The following CSNK1G1 variants were observed in gnomAD, a reference collection of about 807,000 sequenced individuals.
CSNK1G1 encodes the protein casein kinase I isoform gamma-1.
In CSNK1G1, 22 loss-of-function variants were observed where a neutral mutation model predicts 59.6. The ratio of observed to expected loss-of-function variants is 0.37; its 90% CI spans 0.26 to 0.53. The LOEUF (loss-of-function observed/expected upper bound fraction) is 0.53. Among genes scored for constraint, CSNK1G1 ranks in the 20% least tolerant of loss-of-function variants. The pLI, the probability that CSNK1G1 is intolerant of heterozygous loss-of-function variation, is 0.89. For missense variants in CSNK1G1, 384 were observed against 519.5 expected, an observed-to-expected ratio of 0.74 and a Z score of 2.54; for synonymous variants, 179 against 177.1, an observed-to-expected ratio of 1.01 and a Z score of -0.08.
intron 2 of CSNK1G1, among the ~76,000 whole-genome samples, chr15:64,274,348 A>G (rs1292844132): frequency 1.3e-5 from 2 of 152,212 alleles, no homozygotes; most frequent in Non-Finnish European, 2.9e-5. Flanking sequence ...TTTGCTCCAG[A>G]TGAATTTAAT....
intron 1 of CSNK1G1, among the ~76,000 whole-genome samples, chr15:64,320,718 C>T (rs969782536): frequency 7.4e-5 from 11 of 149,534 alleles, no homozygotes; most frequent in African/African-American, 9.8e-5. Context: ...AAAAAGAATA[C>T]GGGTCCCATG....
intron 10 of CSNK1G1, chr15:64,189,472 C>A: frequency 8.0e-7 from 1 of 1,252,272 alleles, no homozygotes; most frequent in Non-Finnish European, 1.0e-6. Flanking sequence ...CTGTAACAGT[C>A]CTAAGGCTCT....
chr15:64,262,049 A>C (rs1469918975), intron 2 of CSNK1G1, among the ~76,000 whole-genome samples: 1 of 152,162 alleles, frequency 6.6e-6, no homozygotes, highest in African/African-American at 2.4e-5. Flanking sequence ...AGGTTTTATG[A>C]CCTGATAAGA....
rs1375386169 is a variant in CSNK1G1, at chr15:64,181,263, C to T, written c.1108-809G>A. On this transcript the variant is annotated intron_variant, in intron 10 of 11. Coordinates refer to ENST00000303052, the MANE Select transcript of CSNK1G1 (RefSeq NM_022048.5). ...CCCGAAATGTAAGTGAAGGCTCTCA[C>T]TCCTGTCATCTGGTTAATGTGGACC... 2.6e-6 allele frequency: 4 copies of T among 1,535,956 alleles called. No individual in the cohort carries two copies. The Admixed American group carries it at 7.8e-5, about 30-fold the overall frequency.
At chr15:64,339,147 T>C (rs1383654982) in intron 1 of CSNK1G1, among the ~76,000 whole-genome samples, 1 of 152,196 alleles carries the variant, frequency 6.6e-6, no homozygotes, top group South Asian at 2.1e-4. Context: ...CAAGTGAATG[T>C]AATCTCTAGT....
At chr15:64,276,578 A>G (rs1295538171) in intron 2 of CSNK1G1, among the ~76,000 whole-genome samples, 2 of 152,182 alleles carry the variant, frequency 1.3e-5, no homozygotes, top group African/African-American at 4.8e-5. Flanking sequence ...ATGAAAATGA[A>G]AAAGAGTGAC....
chr15:64,277,101 C>T (rs1023599585), intron 2 of CSNK1G1, among the ~76,000 whole-genome samples: 1 of 151,990 alleles, frequency 6.6e-6, no homozygotes, highest in Non-Finnish European at 1.5e-5. Flanking sequence ...ATATATTTTC[C>T]TGCCAATAAG....
At chr15:64,331,902 A>G (rs1188800221) in intron 1 of CSNK1G1, among the ~76,000 whole-genome samples, 1 of 149,350 alleles carries the variant, frequency 6.7e-6, no homozygotes, top group Non-Finnish European at 1.5e-5. Context: ...ACATTTATGC[A>G]GCCAAAAAAC....
intron 4 of CSNK1G1, among the ~76,000 whole-genome samples, chr15:64,242,081 A>C (rs1263917257): frequency 3.3e-5 from 5 of 152,178 alleles, no homozygotes; most frequent in Admixed American, 1.3e-4. Context: ...GAACAACTAT[A>C]TGCTAACAAA....
At chr15:64,247,247 T>C (rs1006340313) in intron 4 of CSNK1G1, among the ~76,000 whole-genome samples, 1 of 152,162 alleles carries the variant, frequency 6.6e-6, no homozygotes, top group African/African-American at 2.4e-5. Flanking sequence ...ATCATTCCCA[T>C]AAAAAGAAAA....
intron 4 of CSNK1G1, among the ~76,000 whole-genome samples, chr15:64,217,872 A>G (rs2082332833): frequency 6.6e-6 from 1 of 152,074 alleles, no homozygotes; most frequent in Non-Finnish European, 1.5e-5. Flanking sequence ...TTCACAGAGC[A>G]GAAACATTCC....
chr15:64,259,359 G>C, intron 2 of CSNK1G1, 118 bp from the exon 3 acceptor site: 1 of 655,714 alleles, frequency 1.5e-6, no homozygotes, highest in Non-Finnish European at 2.5e-6. Context: ...TCACATAAAT[G>C]AAACTTGATT....
chr15:64,220,649 A>G (rs1438490198), intron 4 of CSNK1G1, among the ~76,000 whole-genome samples: 1 of 151,716 alleles, frequency 6.6e-6, no homozygotes, highest in East Asian at 1.9e-4. Flanking sequence ...GACTCAGCTA[A>G]TTTTGTTTTT....
rs1219944907 is a variant in CSNK1G1, at chr15:64,214,219, T to C, written c.445-95A>G. ...TTAGCCAGACCAAGGTTTTAATTAT[T>C]GAAATAACAGTAAAATTCATCTCCT... On this transcript the variant is annotated intron_variant, in intron 5 of 11. Coordinates refer to ENST00000303052, the MANE Select transcript of CSNK1G1 (RefSeq NM_022048.5). This position sits in a 1 kb window ranked among gnomAD's most constrained non-coding sequence, Gnocchi z 4.3. The C allele has an allele frequency of 1.1e-6, 1 of 893,556 alleles. No individual in the cohort carries two copies. The highest frequency in any genetic ancestry group is 2.1e-5 in the Admixed American group (1 of 47,316). The allele number at this position is 893,556 out of a possible 1,614,324, so 55.4% of individuals were successfully genotyped here.
intron 11 of CSNK1G1, among the ~76,000 whole-genome samples, chr15:64,177,653 G>C (rs555303943): frequency 6.6e-6 from 1 of 152,250 alleles, no homozygotes; most frequent in South Asian, 2.1e-4. Flanking sequence ...TTACATTCTA[G>C]AGGTTAGATT....
intron 4 of CSNK1G1, among the ~76,000 whole-genome samples, chr15:64,230,439 C>T (rs2082531391): frequency 6.6e-6 from 1 of 151,556 alleles, no homozygotes; most frequent in African/African-American, 2.4e-5. Context: ...CTGGGACTTA[C>T]AGACGTGTGA....
Position 64,297,568 on chromosome 15 carries a change from G to A in CSNK1G1, c.181+2751C>T, listed in dbSNP as rs76433705. Among the ~76,000 whole-genome samples, 21 of 152,048 alleles carry A rather than the reference G, an allele frequency of 1.4e-4. No individual in the cohort carries two copies. The East Asian group carries it at 2.9e-3, about 21-fold the overall frequency. On this transcript the variant is annotated intron_variant, in intron 2 of 11. Coordinates refer to ENST00000303052, the MANE Select transcript of CSNK1G1 (RefSeq NM_022048.5). ...TTAAAAATAAAAAAATTAGCTGGGC[G>A]TGTTCTTATGCACTAGCTATTAAGG...
chr15:64,345,697 G>T (rs898326309), intron 1 of CSNK1G1, among the ~76,000 whole-genome samples: 2 of 152,046 alleles, frequency 1.3e-5, no homozygotes, highest in Non-Finnish European at 2.9e-5. Flanking sequence ...ATTCGAGAAC[G>T]TTAGGAAACT....
At chr15:64,297,911 T>C (rs996657592) in intron 2 of CSNK1G1, among the ~76,000 whole-genome samples, 3 of 152,174 alleles carry the variant, frequency 2.0e-5, no homozygotes, top group Non-Finnish European at 4.4e-5. Context: ...TGCAGCCCAC[T>C]CTATTGTCAG....
Sources: gnomAD v4.1 joint callset for allele counts (sites outside exome capture counted in the v4.1 genomes callset) on GRCh38, gnomAD v4.1.1 for gene constraint, Gnocchi (gnomAD v3.1) non-coding constraint, MANE v1.5 for transcripts, NCBI Gene and HGNC (gene_info 2026-07-23, HGNC 2026-07-21) for gene names.